Variants in TPO observed in about 807,000 individuals in gnomAD.
TPO encodes thyroid microsomal antigen.
Under a neutral mutation model 96.9 loss-of-function variants are expected in TPO, and 78 were observed. The observed-to-expected ratio is 0.81, with a 90% CI of 0.67 to 0.97. The LOEUF (loss-of-function observed/expected upper bound fraction) is 0.97. Among genes scored for constraint, TPO ranks in the 50% least tolerant of loss-of-function variants. The pLI, the probability that TPO is intolerant of heterozygous loss-of-function variation, is 0.00. For synonymous variants in TPO, 547 were observed against 538.0 expected, an observed-to-expected ratio of 1.02 and a Z score of -0.23; for missense variants, 1,252 against 1,274.8, an observed-to-expected ratio of 0.98 and a Z score of 0.27.
chr2:1,380,981 T>C (rs58141312), intron 1 of TPO, among the ~76,000 whole-genome samples: 3,131 of 152,202 alleles, frequency 0.021, 114 homozygotes, highest in African/African-American at 0.072. Context: ...AGACTATATA[T>C]ATGCACTTTA....
chr2:1,472,083 C>A (rs1172490437), intron 7 of TPO, among the ~76,000 whole-genome samples: 1 of 151,730 alleles, frequency 6.6e-6, no homozygotes, highest in East Asian at 2.0e-4. Context: ...GATATCATGC[C>A]CTTCCCATGA....
chr2:1,463,064 C>T (rs1459609117), intron 7 of TPO, among the ~76,000 whole-genome samples: 1 of 152,106 alleles, frequency 6.6e-6, no homozygotes, highest in Non-Finnish European at 1.5e-5. Context: ...TATTTGTAAA[C>T]AATTTTAAAA....
At chr2:1,399,820 C>G (rs1300054871) in intron 1 of TPO, among the ~76,000 whole-genome samples, 1 of 152,220 alleles carries the variant, frequency 6.6e-6, no homozygotes, top group Non-Finnish European at 1.5e-5. Flanking sequence ...TCTAGGAGCA[C>G]CAGGTTCTGC....
At position 1,498,274 on chromosome 2, in the gene TPO, G is replaced by A. The variant is rs936898368; in HGVS notation, c.2386+1509G>A. 5.9e-5 allele frequency among the ~76,000 whole-genome samples: 9 copies of A among 152,336 alleles called. 1 individual carries two copies. Among genetic ancestry groups the A allele is most frequent in the African/African-American group, 2.2e-4 (9 of 41,582 alleles). ...CAGAGACCCACCAGGACTCAGTGCT[G>A]TGGCAGGGGTCAGGTAGGGGTGCGG... On this transcript the variant is annotated intron_variant, in intron 13 of 16. Transcript: ENST00000329066.
chr2:1,458,176 ATAT>A (rs762657867), intron 7 of TPO, among the ~76,000 whole-genome samples: 24 of 151,644 alleles, frequency 1.6e-4, no homozygotes, highest in Admixed American at 6.6e-4. Context: ...TGTATATAGG[ATAT>A]AATATAGTGT....
At chr2:1,399,944 C>T (rs1662140035) in intron 1 of TPO, among the ~76,000 whole-genome samples, 1 of 152,208 alleles carries the variant, frequency 6.6e-6, no homozygotes, top group South Asian at 2.1e-4. Context: ...GGTAGCCCCA[C>T]TTAATGGGAG....
chr2:1,510,948 T>A (rs1448436436), intron 14 of TPO, among the ~76,000 whole-genome samples: 4 of 152,174 alleles, frequency 2.6e-5, no homozygotes, highest in African/African-American at 9.7e-5. Context: ...GGTACAACTC[T>A]CCCTATATAA....
At chr2:1,499,642 T>C (rs78183468) in intron 13 of TPO, among the ~76,000 whole-genome samples, 7,075 of 139,942 alleles carry the variant, frequency 0.051, 222 homozygotes, top group South Asian at 0.16. Context: ...ATTACACCTG[T>C]GGTGTCTGGG....
Position 1,496,752 on chromosome 2 carries a change from TC to T in TPO, c.2377del (p.Leu793SerfsTer5). The T allele has an allele frequency of 6.2e-7, 1 of 1,614,082 alleles. No individual in the cohort carries two copies. The highest frequency in any genetic ancestry group is 8.5e-7 in the Non-Finnish European group (1 of 1,180,010). On this transcript the variant is annotated frameshift_variant, in exon 13 of 17. Coordinates refer to ENST00000329066, the MANE Select transcript of TPO (RefSeq NM_001206744.2). LOFTEE classifies it high-confidence loss of function. ...CTQEGWDFQP[P>X]LCKDVNECAD... ...CCCAGGAAGGATGGGATTTCCAGCC[TC>T]CCCTCTGCAAAGGTCAGTCCTTTCT...
At chr2:1,537,454 ACTGTGTGCAACCTCCTCAAATTCTTCC>A in intron 15 of TPO, among the ~76,000 whole-genome samples, 1 of 131,944 alleles carries the variant, frequency 7.6e-6, no homozygotes, top group East Asian at 2.4e-4. Context: ...AAATCTCCCC[ACTGTGTGCAACCTCCTCAAATTCTTCC>A]ACTCTGTGCA....
intron 14 of TPO, 52 bp downstream of exon 14, chr2:1,504,131 A>G: frequency 1.9e-6 from 3 of 1,610,628 alleles, no homozygotes; most frequent in Non-Finnish European, 8.5e-7. Context: ...TTTTTGTAAA[A>G]TGAAGAAAAG....
intron 7 of TPO, among the ~76,000 whole-genome samples, chr2:1,461,464 G>A (rs1471660521): frequency 6.6e-6 from 1 of 152,178 alleles, no homozygotes; most frequent in Non-Finnish European, 1.5e-5. Flanking sequence ...TGGCCCTGGG[G>A]AAACTGGACT....
At chr2:1,521,350 C>T (rs1193428773) in intron 15 of TPO, among the ~76,000 whole-genome samples, 1 of 152,154 alleles carries the variant, frequency 6.6e-6, no homozygotes, top group East Asian at 1.9e-4. Context: ...TCTCTCCTCT[C>T]TTTATCATTA....
chr2:1,471,208 C>G (rs181754104), intron 7 of TPO, among the ~76,000 whole-genome samples: 80 of 152,298 alleles, frequency 5.3e-4, no homozygotes, highest in African/African-American at 1.9e-3. Context: ...ATTTGTGACT[C>G]TGGTCCTGAT....
chr2:1,534,717 T>G (rs534968844), intron 15 of TPO, among the ~76,000 whole-genome samples: 1 of 122,310 alleles, frequency 8.2e-6, no homozygotes, highest in South Asian at 2.8e-4. Flanking sequence ...TGCAACCTCC[T>G]CAATTCCCTC....
At chr2:1,451,685 A>G (rs1667313473) in intron 5 of TPO, among the ~76,000 whole-genome samples, 1 of 152,182 alleles carries the variant, frequency 6.6e-6, no homozygotes. Context: ...GGTTGTTCCC[A>G]CACGGGCGTG....
At chr2:1,498,585 G>C (rs1178885000) in intron 13 of TPO, among the ~76,000 whole-genome samples, 1 of 152,160 alleles carries the variant, frequency 6.6e-6, no homozygotes, top group Non-Finnish European at 1.5e-5. Flanking sequence ...GTGCTCCCCT[G>C]CTGCATTTTG....
At chr2:1,394,125 A>G (rs1662044845) in intron 1 of TPO, among the ~76,000 whole-genome samples, 1 of 152,242 alleles carries the variant, frequency 6.6e-6, no homozygotes, top group African/African-American at 2.4e-5. Flanking sequence ...ATATTTCACT[A>G]CATCCACTAT....
Position 1,536,821 on chromosome 2 carries a change from CCACT to C in TPO, c.2619-3772_2619-3769del, listed in dbSNP as rs1228802493. On this transcript the variant is annotated intron_variant, in intron 15 of 16. Coordinates refer to ENST00000329066, the MANE Select transcript of TPO (RefSeq NM_001206744.2). ...TCTGTGCAACCTCCCCAAATCCCCCCCACTGTGTGCAACCTCCCCAAATCCCGCC... is the reference window on the plus strand; with the variant it reads ...TCTGTGCAACCTCCCCAAATCCCCCCGTGTGCAACCTCCCCAAATCCCGCC... 4.4e-4 allele frequency among the ~76,000 whole-genome samples: 30 copies of C among 68,404 alleles called. 1 individual carries two copies. The highest frequency in any genetic ancestry group is 1.0e-3 in the Non-Finnish European group (28 of 27,766). The allele number at this position is 68,404 out of a possible 152,430, so 44.9% of individuals were successfully genotyped here. A position where few individuals can be genotyped will look rare whatever the true frequency, so the allele number is the denominator to read the frequency against.
Sources: allele counts gnomAD v4.1 joint callset (sites outside exome capture counted in the v4.1 genomes callset), GRCh38; gene constraint gnomAD v4.1.1; transcripts MANE v1.5; gene names NCBI Gene and HGNC (gene_info 2026-07-23, HGNC 2026-07-21).